FBN2: variants seen among roughly 807,000 people sequenced by gnomAD.
FBN2 encodes the protein fibrillin-2.
FBN2 carries 105 observed loss-of-function variants against 355.6 expected under a neutral mutation model. The ratio of observed to expected loss-of-function variants is 0.30; its 90% CI spans 0.25 to 0.35. The LOEUF (loss-of-function observed/expected upper bound fraction) is 0.35. FBN2 is among the 10% of genes least tolerant of loss of function. FBN2 has a pLI of 1.00. For synonymous variants in FBN2, 1,350 were observed against 1,301.2 expected (o/e 1.04, Z -0.81); for missense variants, 3,280 against 3,758.7 (o/e 0.87, Z 3.33).
chr5:128,287,946 A>C (rs1039210047), intron 53 of FBN2, among the ~76,000 whole-genome samples: 2 of 152,172 alleles, frequency 1.3e-5, no homozygotes, highest in African/African-American at 4.8e-5. Flanking sequence ...GTGTGGGGCA[A>C]AATCAAGAAT....
intron 7 of FBN2, among the ~76,000 whole-genome samples, chr5:128,422,786 G>GT (rs1753384876): frequency 6.6e-6 from 1 of 152,142 alleles, no homozygotes; most frequent in Non-Finnish European, 1.5e-5. Context: ...TTTACTGTGT[G>GT]TAAGAATCAC....
chr5:128,424,805 G>A (rs1433926159), intron 7 of FBN2, among the ~76,000 whole-genome samples: 2 of 152,134 alleles, frequency 1.3e-5, no homozygotes, highest in Non-Finnish European at 2.9e-5. Flanking sequence ...CAGGCATGAA[G>A]TAATAATGGT....
intron 13 of FBN2, 26 bp from the exon 14 acceptor site, chr5:128,376,879 G>A: frequency 6.2e-7 from 1 of 1,611,920 alleles, no homozygotes; most frequent in Non-Finnish European, 8.5e-7. Context: ...GAGTGACTTT[G>A]AACACTGGCC....
intron 5 of FBN2, among the ~76,000 whole-genome samples, chr5:128,483,152 G>A (rs978756285): frequency 8.6e-5 from 13 of 152,030 alleles, no homozygotes; most frequent in African/African-American, 3.1e-4. Context: ...AGACACCAGG[G>A]ACTAATAGAT....
chr5:128,411,361 G>A (rs749911475), intron 7 of FBN2, among the ~76,000 whole-genome samples: 4 of 152,204 alleles, frequency 2.6e-5, no homozygotes, highest in African/African-American at 9.6e-5. Flanking sequence ...ATCAGGTCAC[G>A]TGAATGAATT....
intron 55 of FBN2, 122 bp downstream of exon 55, chr5:128,286,596 T>C (rs1229505098): frequency 8.6e-7 from 1 of 1,164,324 alleles, no homozygotes; most frequent in Non-Finnish European, 1.3e-6. Context: ...GCTAGCTGTA[T>C]CACTGCCTTA....
chr5:128,466,471 C>A (rs1435314053), intron 5 of FBN2, among the ~76,000 whole-genome samples: 1 of 152,102 alleles, frequency 6.6e-6, no homozygotes, highest in East Asian at 1.9e-4. Flanking sequence ...GAAAATCAAA[C>A]TTGGATATAA....
chr5:128,395,830 G>A (rs1752637215), intron 8 of FBN2, among the ~76,000 whole-genome samples: 1 of 152,216 alleles, frequency 6.6e-6, no homozygotes, highest in African/African-American at 2.4e-5. Flanking sequence ...TGAGCTCAGA[G>A]AGACAGCAGA....
intron 34 of FBN2, among the ~76,000 whole-genome samples, chr5:128,322,335 TGTTTCAGTCATGAA>T (rs1241115964): frequency 1.3e-5 from 2 of 152,224 alleles, no homozygotes; most frequent in African/African-American, 4.8e-5. Context: ...TTGCTTTTGG[TGTTTCAGTCATGAA>T]GTCTTTGCCC....
chr5:128,356,540 G>A (rs1280955811), intron 20 of FBN2, among the ~76,000 whole-genome samples: 1 of 152,230 alleles, frequency 6.6e-6, no homozygotes, highest in African/African-American at 2.4e-5. Context: ...AGCTAATGAT[G>A]TGAACTGTGT....
chr5:128,367,788 T>C (rs1171903427), intron 16 of FBN2, among the ~76,000 whole-genome samples: 1 of 152,162 alleles, frequency 6.6e-6, no homozygotes, highest in Non-Finnish European at 1.5e-5. Flanking sequence ...TGTCTAGTCT[T>C]ATGCCAATTT....
At chr5:128,524,647 C>T (rs1200031153) in intron 4 of FBN2, among the ~76,000 whole-genome samples, 1 of 152,120 alleles carries the variant, frequency 6.6e-6, no homozygotes, top group Non-Finnish European at 1.5e-5. Context: ...CCATCTGCTT[C>T]TTTGCTCTCA....
rs574823482 is a variant in FBN2, at chr5:128,363,301, C to T, written c.2428+1299G>A. Among the ~76,000 whole-genome samples the T allele has an allele frequency of 2.0e-5, 3 of 152,244 alleles. No individual in the cohort carries two copies. The South Asian group carries it at 6.2e-4, about 32-fold the overall frequency. On this transcript the variant is annotated intron_variant, in intron 18 of 64. Coordinates refer to ENST00000262464, the MANE Select transcript of FBN2 (RefSeq NM_001999.4). ...CGCATCCCGGGTTCCAGCGATTCTC[C>T]TGCTTCAGCCTCCTGGGTGCTGGGA...
Position 128,287,406 on chromosome 5 carries a change from G to C in FBN2, c.6782C>G (p.Pro2261Arg), listed in dbSNP as rs1749186102. Residue 2261 changes from proline to arginine, a missense_variant, in exon 54 of 65, where the codon CCA (proline) becomes CGA (arginine). This residue lies in a region of FBN2 where 2,284 missense variants were observed against 2,749.5 expected (regional missense o/e 0.83). Coordinates refer to ENST00000262464, the MANE Select transcript of FBN2 (RefSeq NM_001999.4). The part of the protein sequence containing the change: ...CEDINECAQN[P>R]LLCAFRCMNT... Reference sequence around the variant, plus strand: ...CATGCAGCGGAAAGCACACAGCAGTGGGTTCTGGGCACATTCGTTGATATC... The same window carrying C: ...CATGCAGCGGAAAGCACACAGCAGTCGGTTCTGGGCACATTCGTTGATATC... 6.2e-7 allele frequency: 1 copy of C among 1,613,918 alleles called. No individual in the cohort carries two copies. The highest frequency in any genetic ancestry group is 2.2e-5 in the East Asian group (1 of 44,844).
At chr5:128,408,289 T>A (rs1472076424) in intron 8 of FBN2, among the ~76,000 whole-genome samples, 1 of 152,212 alleles carries the variant, frequency 6.6e-6, no homozygotes, top group Non-Finnish European at 1.5e-5. Flanking sequence ...GTCTTTTTTG[T>A]ATAGTAACTA....
chr5:128,439,330 T>C (rs1392935741), intron 7 of FBN2, among the ~76,000 whole-genome samples: 2 of 152,200 alleles, frequency 1.3e-5, no homozygotes, highest in Non-Finnish European at 2.9e-5. Context: ...GCCCTCTATA[T>C]AGGGCACTTT....
chr5:128,330,175 TATTGC>T (rs1430156545), intron 33 of FBN2, among the ~76,000 whole-genome samples: 7 of 152,240 alleles, frequency 4.6e-5, no homozygotes, highest in African/African-American at 7.2e-5. Context: ...GTATTATTAC[TATTGC>T]ATTTTAAATC....
intron 23 of FBN2, among the ~76,000 whole-genome samples, chr5:128,347,748 A>G (rs1299630315): frequency 6.6e-6 from 1 of 151,900 alleles, no homozygotes; most frequent in East Asian, 1.9e-4. Flanking sequence ...ACAAGGATGA[A>G]GAATCCAATA....
At chr5:128,437,470 A>T (rs7713363) in intron 7 of FBN2, among the ~76,000 whole-genome samples, 31,828 of 152,078 alleles carry the variant, frequency 0.21, 4,362 homozygotes, top group African/African-American at 0.39. Flanking sequence ...TAATAAAATT[A>T]TCTAAAAATT....
Sources: allele counts gnomAD v4.1 joint callset (sites outside exome capture counted in the v4.1 genomes callset), GRCh38; gene constraint gnomAD v4.1.1; regional missense constraint gnomAD v4.1.1; transcripts MANE v1.5; gene names NCBI Gene and HGNC (gene_info 2026-07-23, HGNC 2026-07-21).